The following ACSF3 variants were observed in gnomAD, a reference collection of about 807,000 sequenced individuals.
The protein encoded by ACSF3 is malonate--CoA ligase ACSF3, mitochondrial.
Under a neutral mutation model 53.2 loss-of-function variants are expected in ACSF3, and 78 were observed. The ratio of observed to expected loss-of-function variants is 1.47; its 90% CI spans 1.22 to 1.77. The LOEUF is 1.77. Among genes scored for constraint, ACSF3 ranks in the 40% most tolerant of loss-of-function variants. The pLI, the probability that ACSF3 is intolerant of heterozygous loss-of-function variation, is 0.00. For synonymous variants in ACSF3, 414 were observed against 333.1 expected, an observed-to-expected ratio of 1.24 and a Z score of -2.65; for missense variants, 937 against 771.1, an observed-to-expected ratio of 1.22 and a Z score of -2.55.
At chr16:89,139,436 G>T (rs945025176) in intron 8 of ACSF3, among the ~76,000 whole-genome samples, 2 of 152,174 alleles carry the variant, frequency 1.3e-5, no homozygotes, top group African/African-American at 4.8e-5. Context: ...TGTCTCTCCG[G>T]GTCTTCGTTC....
At chr16:89,115,610 C>T (rs1378268821) in intron 6 of ACSF3, among the ~76,000 whole-genome samples, 3 of 152,232 alleles carry the variant, frequency 2.0e-5, no homozygotes, top group African/African-American at 4.8e-5. Context: ...TCTGTGCGAA[C>T]GTGGTTTTTT....
At position 89,139,008 on chromosome 16, in the gene ACSF3, G is replaced by A. The variant is rs567813723; in HGVS notation, c.1366+5746G>A. 3.5e-3 allele frequency among the ~76,000 whole-genome samples: 530 copies of A among 152,304 alleles called. 2 individuals are homozygous for A. Among genetic ancestry groups the A allele is most frequent in the African/African-American group, 0.012 (508 of 41,566 alleles). On this transcript the variant is annotated intron_variant, in intron 8 of 10. Transcript: ENST00000614302. The stretch of plus-strand genomic sequence containing the variant: ...GTGCGGTCCCCGCATCCCGAGGGCC[G>A]CCAGCACCGCCACCTCCAGGCTCCT...
intron 8 of ACSF3, among the ~76,000 whole-genome samples, chr16:89,144,665 C>A (rs1912545429): frequency 6.6e-6 from 1 of 152,230 alleles, no homozygotes; most frequent in African/African-American, 2.4e-5. Flanking sequence ...GAGCAGCCTG[C>A]CTGCATGAGG....
At chr16:89,115,338 C>G (rs1260204560) in intron 6 of ACSF3, 1 of 152,474 alleles carries the variant, frequency 6.6e-6, no homozygotes, top group African/African-American at 2.4e-5. Flanking sequence ...TCCTCCACCC[C>G]CGAGGCCTGG....
chr16:89,095,400 T>A (rs1337797125), intron 1 of ACSF3: 1 of 152,248 alleles, frequency 6.6e-6, no homozygotes, highest in African/African-American at 2.4e-5. Context: ...TGGTTTTTTT[T>A]ATTTGAATGT....
rs545152438 is a variant in ACSF3 at position 89,120,938 on chromosome 16, T to A, written c.1239+25T>A. ...GGTAAGCCACTCTGCTCTTGGCAGG[T>A]GGGCGGCCGTGTGTCCAGTCTAGGC... On this transcript the variant is annotated intron_variant, in intron 7 of 10. Transcript: ENST00000614302. 47 of 1,604,858 alleles carry A rather than the reference T, an allele frequency of 2.9e-5. No homozygotes were observed. The African/African-American group carries it at 5.7e-4, about 20-fold the overall frequency.
At chr16:89,109,896 C>T (rs990637442) in intron 4 of ACSF3, among the ~76,000 whole-genome samples, 12 of 152,138 alleles carry the variant, frequency 7.9e-5, no homozygotes, top group African/African-American at 1.7e-4. Flanking sequence ...CTGTTTTTTA[C>T]GTTCTTGTTT....
In ACSF3 at chr16:89,126,836, C is replaced by T. The variant is rs1439690367; in HGVS notation, c.1239+5923C>T. ...AATACGATACTGAACAGAAGCAGTCCGAGTGGACCTTCTTATTTCTGATCT... is the reference window on the plus strand; with the variant it reads ...AATACGATACTGAACAGAAGCAGTCTGAGTGGACCTTCTTATTTCTGATCT... On this transcript the variant is annotated intron_variant, in intron 7 of 10. Transcript: ENST00000614302. 2.0e-5 allele frequency among the ~76,000 whole-genome samples: 3 copies of T among 152,278 alleles called. 1 individual carries two copies. The highest frequency in any genetic ancestry group is 6.8e-3 in the Middle Eastern group (2 of 294).
chr16:89,130,262 C>T (rs1909010063), intron 7 of ACSF3, among the ~76,000 whole-genome samples: 2 of 152,192 alleles, frequency 1.3e-5, no homozygotes, highest in Non-Finnish European at 2.9e-5. Context: ...CAACTATTTT[C>T]TTTCAGCACT....
At chr16:89,121,779 C>T (rs1357756450) in intron 7 of ACSF3, among the ~76,000 whole-genome samples, 2 of 152,342 alleles carry the variant, frequency 1.3e-5, no homozygotes, top group East Asian at 1.9e-4. Flanking sequence ...GTGGGCCTTG[C>T]TCTCGTGAGT....
chr16:89,145,224 G>C lies in ACSF3; in HGVS notation c.1367-43G>C. 3.1e-6 allele frequency: 5 copies of C among 1,613,772 alleles called. No homozygotes were observed. In the African/African-American group the frequency reaches 4.0e-5, roughly 13 times the overall value. ...GCCCCTTTTCCTCAGGGGACACCGTGGTGTTTAAGGATGGCCAGTTAACCA... is the reference window on the plus strand; with the variant it reads ...GCCCCTTTTCCTCAGGGGACACCGTCGTGTTTAAGGATGGCCAGTTAACCA... On this transcript the variant is annotated intron_variant, in intron 8 of 10. Transcript: ENST00000614302.
Position 89,100,743 on chromosome 16 carries a change from T to C in ACSF3, c.62T>C (p.Leu21Pro), listed in dbSNP as rs1975190464. Reference protein sequence around the residue: ...RLGCALASCRLAPARHRGSGL... With the variant: ...RLGCALASCRPAPARHRGSGL... The stretch of plus-strand genomic sequence containing the variant: ...GGCTGCGCCTTGGCGTCCTGCCGGC[T>C]GGCGCCTGCGAGACACAGAGGAAGT... The change falls in exon 3 of 11, where the codon CTG (leucine) becomes CCG (proline). Residue 21 changes from leucine (L) to proline (P), a missense_variant. Leu to Pro is a moderately conservative substitution (Grantham distance 98). Coordinates refer to ENST00000614302, the MANE Select transcript of ACSF3 (RefSeq NM_001243279.3). 1.2e-6 allele frequency: 2 copies of C among 1,605,878 alleles called. No homozygotes were observed. The highest frequency in any genetic ancestry group is 1.7e-6 in the Non-Finnish European group (2 of 1,179,778).
At chr16:89,123,488 C>G (rs1441914216) in intron 7 of ACSF3, among the ~76,000 whole-genome samples, 1 of 152,180 alleles carries the variant, frequency 6.6e-6, no homozygotes, top group East Asian at 1.9e-4. Flanking sequence ...CCACGTGGCT[C>G]AAGTGAGGCT....
intron 7 of ACSF3, among the ~76,000 whole-genome samples, chr16:89,123,504 C>T (rs7184755): frequency 0.67 from 101,511 of 151,956 alleles, 34,760 homozygotes; most frequent in Middle Eastern, 0.75. Flanking sequence ...AGGCTGTGGC[C>T]GACAGCTGGG....
intron 1 of ACSF3, chr16:89,095,323 A>G (rs540431525): frequency 6.6e-6 from 1 of 152,176 alleles, no homozygotes; most frequent in Admixed American, 6.5e-5. Flanking sequence ...ACCTTTCCAG[A>G]TGGCATTTTT....
intron 8 of ACSF3, among the ~76,000 whole-genome samples, chr16:89,140,004 C>T (rs141876950): frequency 5.3e-5 from 8 of 152,316 alleles, no homozygotes; most frequent in African/African-American, 1.2e-4. Flanking sequence ...GCCGGGTGAG[C>T]GCTGAGCCCA....
intron 6 of ACSF3, among the ~76,000 whole-genome samples, chr16:89,119,551 A>G (rs1304618277): frequency 6.6e-6 from 1 of 152,164 alleles, no homozygotes; most frequent in Non-Finnish European, 1.5e-5. Flanking sequence ...TTTCACCCCC[A>G]TTTAAAAATC....
chr16:89,099,765 G>GA (rs1473089949), intron 2 of ACSF3, among the ~76,000 whole-genome samples: 4 of 151,296 alleles, frequency 2.6e-5, no homozygotes, highest in Admixed American at 1.3e-4. Context: ...CTGGGTGACA[G>GA]ACCAAGACTG....
In ACSF3 at chr16:89,101,054, C is replaced by T. The variant is rs772372919; in HGVS notation, c.373C>T (p.Leu125Phe). The T allele has an allele frequency of 3.1e-6, 5 of 1,614,036 alleles. No homozygotes were observed. The South Asian group carries it at 4.4e-5, about 14-fold the overall frequency. The change falls in exon 3 of 11, where the codon CTC becomes TTC. Residue 125 changes from leucine (L) to phenylalanine (F), a missense_variant. Coordinates refer to ENST00000614302, the MANE Select transcript of ACSF3 (RefSeq NM_001243279.3). ...SWMSGGVAVP[L>F]YRKHPAAQLE... ...GATGAGTGGCGGTGTGGCAGTCCCCCTCTACAGGAAGCATCCCGCGGCCCA... is the reference window on the plus strand; with the variant it reads ...GATGAGTGGCGGTGTGGCAGTCCCCTTCTACAGGAAGCATCCCGCGGCCCA...
Sources: gnomAD v4.1 joint callset for allele counts (sites outside exome capture counted in the v4.1 genomes callset) on GRCh38, gnomAD v4.1.1 for gene constraint, MANE v1.5 for transcripts, NCBI Gene and HGNC (gene_info 2026-07-23, HGNC 2026-07-21) for gene names.